The following ANTXR1 variants were observed in gnomAD, a reference collection of about 807,000 sequenced individuals.
ANTXR1 encodes anthrax toxin receptor 1.
In ANTXR1, 19 loss-of-function variants were observed where a neutral mutation model predicts 78.1. The observed-to-expected ratio is 0.24, with a 90% confidence interval of 0.17 to 0.36. The LOEUF is 0.36. Among genes scored for constraint, ANTXR1 ranks in the 10% least tolerant of loss-of-function variants. The probability of loss-of-function intolerance (pLI) is 1.00; values close to 1 mark genes in which losing one functional copy is unlikely to be tolerated. For synonymous variants in ANTXR1, 273 were observed against 260.5 expected (o/e 1.05, Z -0.46); for missense variants, 518 against 718.6 (o/e 0.72, Z 3.19).
At chr2:69,048,209 T>C (rs539176099) in intron 3 of ANTXR1, among the ~76,000 whole-genome samples, 78 of 152,262 alleles carry the variant, frequency 5.1e-4, no homozygotes, top group African/African-American at 1.9e-3. Flanking sequence ...CAACTATTCA[T>C]TTAAAAAAAA....
At chr2:69,143,528 A>C (rs10195019) in intron 12 of ANTXR1, among the ~76,000 whole-genome samples, 58,241 of 151,884 alleles carry the variant, frequency 0.38, 13,324 homozygotes, top group African/African-American at 0.64. Flanking sequence ...AACCCTGAAG[A>C]ATGGGGAGAG....
At chr2:69,207,475 A>G (rs1417613883) in intron 17 of ANTXR1, among the ~76,000 whole-genome samples, 2 of 152,020 alleles carry the variant, frequency 1.3e-5, no homozygotes, top group African/African-American at 2.4e-5. Context: ...GAAGAGAGAG[A>G]AAAAGAGAGA....
At chr2:69,164,888 C>T (rs1385808252) in intron 13 of ANTXR1, among the ~76,000 whole-genome samples, 2 of 152,254 alleles carry the variant, frequency 1.3e-5, no homozygotes, top group South Asian at 4.1e-4. Flanking sequence ...AGCTTCAAAG[C>T]TGGTCTTTCT....
Position 69,075,686 on chromosome 2 carries a change from G to C in ANTXR1, c.561+28G>C, listed in dbSNP as rs375083498. The C allele has an allele frequency of 1.2e-4, 186 of 1,593,190 alleles. 1 individual carries two copies. The highest frequency in any genetic ancestry group is 1.4e-4 in the Non-Finnish European group (165 of 1,161,060). On this transcript the variant is annotated intron_variant, in intron 7 of 17. Coordinates refer to ENST00000303714, the MANE Select transcript of ANTXR1 (RefSeq NM_032208.3). ...ATGGTAATGGATTTCCTCAGGTTTG[G>C]AGCATACTGAGCTTGTGAATCATGA... is the stretch of plus-strand genomic sequence containing the variant.
chr2:69,037,736 C>A (rs1468205245), intron 1 of ANTXR1, among the ~76,000 whole-genome samples: 3 of 152,166 alleles, frequency 2.0e-5, no homozygotes, highest in African/African-American at 7.2e-5. Flanking sequence ...TCCCAAAGTG[C>A]TGGGATTACA....
chr2:69,192,798 C>T (rs1192610827), intron 16 of ANTXR1, among the ~76,000 whole-genome samples: 2 of 152,238 alleles, frequency 1.3e-5, no homozygotes, highest in South Asian at 2.1e-4. Context: ...GGTAATTTGT[C>T]TCTCAAGCCC....
intron 13 of ANTXR1, among the ~76,000 whole-genome samples, chr2:69,165,011 C>T (rs1331817453): frequency 6.6e-6 from 1 of 152,204 alleles, no homozygotes; most frequent in Non-Finnish European, 1.5e-5. Flanking sequence ...TAAGCTAATT[C>T]ACAGTTCTCA....
chr2:69,224,400 G>A (rs114177622), intron 17 of ANTXR1, among the ~76,000 whole-genome samples: 175 of 152,304 alleles, frequency 1.1e-3, no homozygotes, highest in African/African-American at 3.6e-3. Flanking sequence ...GTAATCAGCC[G>A]TAAAATTGTT....
chr2:69,216,659 A>G (rs1365975979), intron 17 of ANTXR1, among the ~76,000 whole-genome samples: 1 of 152,124 alleles, frequency 6.6e-6, no homozygotes, highest in African/African-American at 2.4e-5. Flanking sequence ...AAAATGAAAG[A>G]CACTAGACCC....
intron 13 of ANTXR1, among the ~76,000 whole-genome samples, chr2:69,167,420 G>A (rs917932301): frequency 1.3e-4 from 20 of 152,356 alleles, no homozygotes; most frequent in Admixed American, 9.1e-4. Context: ...TGAGGGGAGT[G>A]GGGTGGGCTG....
chr2:69,227,171 T>C (rs1675477883), intron 17 of ANTXR1, among the ~76,000 whole-genome samples: 1 of 152,198 alleles, frequency 6.6e-6, no homozygotes, highest in Non-Finnish European at 1.5e-5. Flanking sequence ...TTTTGAGTGC[T>C]GTAAATTTTC....
intron 3 of ANTXR1, among the ~76,000 whole-genome samples, chr2:69,061,473 G>A (rs897201473): frequency 2.0e-5 from 3 of 149,702 alleles, no homozygotes; most frequent in Non-Finnish European, 4.4e-5. Context: ...AATGATATTT[G>A]AGAGTCTTCA....
intron 16 of ANTXR1, among the ~76,000 whole-genome samples, chr2:69,184,507 T>C (rs1426375230): frequency 6.6e-6 from 1 of 152,238 alleles, no homozygotes; most frequent in Non-Finnish European, 1.5e-5. Flanking sequence ...TTTTCTGTTA[T>C]GCCGTTCTCA....
chr2:69,110,677 G>A (rs950656097), intron 10 of ANTXR1, among the ~76,000 whole-genome samples: 8 of 152,068 alleles, frequency 5.3e-5, no homozygotes, highest in Non-Finnish European at 7.4e-5. Flanking sequence ...TGGCTAACAC[G>A]GTGAAACCCC....
At chr2:69,030,959 T>TATG (rs1171010948) in intron 1 of ANTXR1, among the ~76,000 whole-genome samples, 1 of 152,222 alleles carries the variant, frequency 6.6e-6, no homozygotes, top group Non-Finnish European at 1.5e-5. Flanking sequence ...GCTGGCGAAC[T>TATG]ATGGCCTGCA....
intron 8 of ANTXR1, among the ~76,000 whole-genome samples, chr2:69,089,334 G>T (rs376704727): frequency 6.6e-6 from 1 of 152,068 alleles, no homozygotes; most frequent in African/African-American, 2.4e-5. Context: ...ATTTTCTTTC[G>T]CAATGCTTCT....
intron 8 of ANTXR1, among the ~76,000 whole-genome samples, chr2:69,080,091 T>G (rs1208853659): frequency 6.6e-6 from 1 of 152,218 alleles, no homozygotes; most frequent in Non-Finnish European, 1.5e-5. Context: ...AATGATAACA[T>G]TCCTGTGAGC....
At chr2:69,037,385 A>G (rs1669472230) in intron 1 of ANTXR1, among the ~76,000 whole-genome samples, 1 of 152,190 alleles carries the variant, frequency 6.6e-6, no homozygotes. Flanking sequence ...TGGCCCTGAG[A>G]GCATAAGGCA....
chr2:69,015,120 A>G (rs1411042033), intron 1 of ANTXR1, among the ~76,000 whole-genome samples: 4 of 152,062 alleles, frequency 2.6e-5, no homozygotes, highest in African/African-American at 7.2e-5. Flanking sequence ...TGAATGGATG[A>G]CTGTAGAGAT....
Sources: gnomAD v4.1 joint callset for allele counts (sites outside exome capture counted in the v4.1 genomes callset) on GRCh38, gnomAD v4.1.1 for gene constraint, MANE v1.5 for transcripts, NCBI Gene and HGNC (gene_info 2026-07-23, HGNC 2026-07-21) for gene names.